Variants in IL9R observed in about 807,000 individuals in gnomAD.
IL9R encodes interleukin-9 receptor.
IL9R carries 54 observed loss-of-function variants against 56.3 expected under a neutral mutation model. That is an observed-to-expected ratio of 0.96 (90% CI 0.77 to 1.20). The LOEUF is 1.20. Among genes scored for constraint, IL9R ranks in the 50% most tolerant of loss-of-function variants. The pLI is 0.00. For synonymous variants in IL9R, 212 were observed against 250.2 expected (o/e 0.85, Z 1.44); for missense variants, 545 against 629.8 (o/e 0.87, Z 1.44).
chrX:156,006,885 G>C (rs1314473552), intron 7 of IL9R, among the ~76,000 whole-genome samples: 2 of 150,484 alleles, frequency 1.3e-5, no homozygotes, highest in Non-Finnish European at 3.0e-5. Context: ...GAGGCCAATG[G>C]GGGCCAGTGA....
In IL9R at chrX:156,010,072, A is replaced by G; in HGVS notation, c.1229A>G (p.Gln410Arg). 6.3e-7 allele frequency: 1 copy of G among 1,575,732 alleles called. No homozygotes were observed. The highest frequency in any genetic ancestry group is 8.5e-7 in the Non-Finnish European group (1 of 1,170,416). The change falls in exon 9 of 9, where the codon CAG (glutamine) becomes CGG (arginine). Residue 410 changes from glutamine (Q) to arginine (R), a missense_variant. By Grantham distance (43) the Gln-to-Arg change is conservative. Transcript: ENST00000244174. ...WRVQTLAYLP[Q>R]EDWAPTSLTR... The stretch of plus-strand genomic sequence containing the variant: ...GTACAGACGCTTGCCTATCTGCCAC[A>G]GGAGGACTGGGCCCCCACGTCCCTG...
chrX:156,008,592 G>A (rs865963940), intron 8 of IL9R, among the ~76,000 whole-genome samples: 25 of 152,248 alleles, frequency 1.6e-4, no homozygotes, highest in African/African-American at 3.9e-4. Context: ...ATCCTGTTGC[G>A]GGCACCAGCT....
chrX:156,009,175 GTGTGTGTC>G (rs1415095981), intron 8 of IL9R, among the ~76,000 whole-genome samples: 258 of 135,084 alleles, frequency 1.9e-3, no homozygotes, highest in African/African-American at 5.8e-3. Flanking sequence ...GTGTATGTCT[GTGTGTGTC>G]TGTGTGTCTG....
chrX:155,998,322 G>A (rs955353921), intron 1 of IL9R, among the ~76,000 whole-genome samples: 1 of 151,860 alleles, frequency 6.6e-6, no homozygotes, highest in African/African-American at 2.4e-5. Context: ...GGATTCCAGA[G>A]GGAGGGTCAA....
intron 1 of IL9R, among the ~76,000 whole-genome samples, chrX:156,000,161 C>CACACATATATATATATATATATATAT: frequency 6.7e-6 from 1 of 148,782 alleles, no homozygotes; most frequent in African/African-American, 2.5e-5. Flanking sequence ...TATATATATA[C>CACACATATATATATATATATATATAT]ACACATATAT....
chrX:155,998,197 A>C (rs2067266865), intron 1 of IL9R, among the ~76,000 whole-genome samples: 2 of 152,042 alleles, frequency 1.3e-5, no homozygotes, highest in South Asian at 4.2e-4. Context: ...GTCTAGGCCC[A>C]GGGCTGGGAA....
chrX:156,006,419 G>A (rs764300698), intron 7 of IL9R, among the ~76,000 whole-genome samples: 1 of 142,650 alleles, frequency 7.0e-6, no homozygotes, highest in Admixed American at 6.8e-5. Context: ...AGTTGCCAGG[G>A]GAGAGCAGGG....
Position 156,002,912 on chromosome X carries a change from C to T in IL9R, c.35C>T (p.Thr12Ile), listed in dbSNP as rs763751131. ...TCAGCCCAGTCCCTTGCAGGCTGGACCTTGGAGAGTGAGGCCCTGAGGCGA... is the reference window on the plus strand; with the variant it reads ...TCAGCCCAGTCCCTTGCAGGCTGGATCTTGGAGAGTGAGGCCCTGAGGCGA... ...GLGRCIWEGW[T>I]LESEALRRDM... The change falls in exon 2 of 9, where the codon ACC becomes ATC. Residue 12 changes from threonine (T) to isoleucine (I), a missense_variant. Coordinates refer to ENST00000244174, the MANE Select transcript of IL9R (RefSeq NM_002186.3). 2.9e-5 allele frequency: 46 copies of T among 1,613,726 alleles called. No individual in the cohort carries two copies. The East Asian group carries it at 9.8e-4, about 34-fold the overall frequency.
chrX:156,004,706 CAT>C, intron 5 of IL9R, 141 bp downstream of exon 5: 3 of 795,832 alleles, frequency 3.8e-6, no homozygotes, highest in East Asian at 2.6e-5. Context: ...TGCACACACA[CAT>C]GCTGGCATGC....
chrX:156,009,403 CTGTG>C lies in IL9R; in HGVS notation c.973-401_973-398del, dbSNP rs1293609662. ...TGTGTGTTTGTGTGTGTGTGTGTCTCTGTGTGTGTGTGTGTTTGTGTATGTTTGT... is the reference window on the plus strand; with the variant it reads ...TGTGTGTTTGTGTGTGTGTGTGTCTCTGTGTGTGTGTTTGTGTATGTTTGT... On this transcript the variant is annotated intron_variant, in intron 8 of 8. Coordinates refer to ENST00000244174, the MANE Select transcript of IL9R (RefSeq NM_002186.3). Among the ~76,000 whole-genome samples the C allele has an allele frequency of 6.6e-3, 849 of 129,336 alleles. 3 individuals carry two copies. Among genetic ancestry groups the C allele is most frequent in the African/African-American group, 0.025 (808 of 31,832 alleles). 84.8% of individuals were successfully genotyped at this position (129,336 alleles called of 152,430 possible).
At chrX:156,006,646 A>G (rs982403220) in intron 7 of IL9R, among the ~76,000 whole-genome samples, 18 of 151,706 alleles carry the variant, frequency 1.2e-4, no homozygotes, top group African/African-American at 4.4e-4. Context: ...CCTTAAATAA[A>G]CCGTCACGCC....
In IL9R at chrX:156,010,084, C is replaced by A. The variant is rs777080052; in HGVS notation, c.1241C>A (p.Ala414Asp). ...GCCTATCTGCCACAGGAGGACTGGG[C>A]CCCCACGTCCCTGACTAGGCCGGCT... ...TLAYLPQEDW[A>D]PTSLTRPAPP... is the part of the protein sequence containing the mutation. The change falls in exon 9 of 9, where the codon GCC (alanine) becomes GAC (aspartate). Residue 414 changes from alanine to aspartate, a missense_variant. Physicochemically the swap from Ala to Asp is moderately radical, Grantham distance 126. Around this residue, in one of 2 missense-constraint regions of IL9R, gnomAD observed 114 missense variants for 269.8 expected, o/e 0.42. Transcript: ENST00000244174. 128 of 1,584,270 alleles carry A rather than the reference C, an allele frequency of 8.1e-5. No homozygotes were observed. The highest frequency in any genetic ancestry group is 1.0e-4 in the Non-Finnish European group (118 of 1,176,254).
At position 156,003,693 on chromosome X, in the gene IL9R, G is replaced by T; in HGVS notation, c.271G>T (p.Gly91Cys). The change falls in exon 4 of 9, where the codon GGC (glycine) becomes TGC (cysteine). Residue 91 changes from glycine (G) to cysteine (C), a missense_variant. Around this residue, in one of 2 missense-constraint regions of IL9R, gnomAD observed 431 missense variants for 360.0 expected, o/e 1.20. Transcript: ENST00000244174. ...LLFTSNQAPG[G>C]THKCILRGSE... ...CCTTTCCAGCAACCAGGCTCCTGGC[G>T]GCACACATAAGTGCATCTTGCGGGG... The T allele has an allele frequency of 1.2e-6, 2 of 1,613,138 alleles. No homozygotes were observed. Among genetic ancestry groups the T allele is most frequent in the Non-Finnish European group, 1.7e-6 (2 of 1,179,488 alleles).
At chrX:155,998,196 C>A (rs2067266721) in intron 1 of IL9R, among the ~76,000 whole-genome samples, 1 of 151,896 alleles carries the variant, frequency 6.6e-6, no homozygotes, top group Admixed American at 6.6e-5. Context: ...GGTCTAGGCC[C>A]AGGGCTGGGA....
rs185762509 is a variant in IL9R, at chrX:156,009,839, C to T, written c.996C>T (p.Ala332=). The T allele has an allele frequency of 1.7e-4, 253 of 1,465,882 alleles. 17 individuals are homozygous for T. The East Asian group carries it at 3.9e-3, about 23-fold the overall frequency. 90.8% of individuals were successfully genotyped at this position (1,465,882 alleles called of 1,614,324 possible). The change falls in exon 9 of 9, where the codon GCC becomes GCT. Residue 332 remains alanine, a synonymous_variant. Transcript: ENST00000244174. ...AGACTTGGATGGGGGCCCACGGGGCCGGTGTGCTGTTGAGCCAGGACTGTG... is the reference window on the plus strand; with the variant it reads ...AGACTTGGATGGGGGCCCACGGGGCTGGTGTGCTGTTGAGCCAGGACTGTG... The part of the protein sequence containing the change: ...NFQTWMGAHG[A]GVLLSQDCAG...
intron 5 of IL9R, 73 bp from the exon 6 acceptor site, chrX:156,005,205 C>A: frequency 8.8e-7 from 1 of 1,140,074 alleles, no homozygotes; most frequent in Non-Finnish European, 1.3e-6. Context: ...GCATATAATG[C>A]ATGTGTGTAT....
intron 1 of IL9R, among the ~76,000 whole-genome samples, chrX:155,999,987 G>A (rs779800360): frequency 2.4e-4 from 36 of 151,986 alleles, no homozygotes; most frequent in Admixed American, 9.8e-4. Flanking sequence ...TTAGCCAGGC[G>A]TGGTGACTCA....
intron 8 of IL9R, among the ~76,000 whole-genome samples, chrX:156,009,559 G>A (rs1313856868): frequency 6.3e-5 from 9 of 142,722 alleles, no homozygotes; most frequent in African/African-American, 2.0e-4. Flanking sequence ...TCAGGCTGCC[G>A]TGGGCACCAG....
At chrX:155,998,148 C>A (rs979179180) in intron 1 of IL9R, among the ~76,000 whole-genome samples, 1 of 151,944 alleles carries the variant, frequency 6.6e-6, no homozygotes, top group Non-Finnish European at 1.5e-5. Context: ...AATGGGCATA[C>A]TTGGGCCTCA....
Sources: allele counts gnomAD v4.1 joint callset (sites outside exome capture counted in the v4.1 genomes callset), GRCh38; gene constraint gnomAD v4.1.1; regional missense constraint gnomAD v4.1.1; transcripts MANE v1.5; gene names NCBI Gene and HGNC (gene_info 2026-07-23, HGNC 2026-07-21).